The following NAXD variants were observed in gnomAD, a reference collection of about 807,000 sequenced individuals.
NAXD encodes the protein NAD(P)HX dehydratase.
In NAXD, 22 loss-of-function variants were observed where a neutral mutation model predicts 35.8. That is an observed-to-expected ratio of 0.62 (90% confidence interval 0.44 to 0.88). The LOEUF (loss-of-function observed/expected upper bound fraction) is 0.88. Among genes scored for constraint, NAXD ranks in the 40% least tolerant of loss-of-function variants. NAXD has a pLI of 0.00. For missense variants in NAXD, 428 were observed against 437.7 expected (o/e 0.98, Z 0.20); for synonymous variants, 189 against 177.6 (o/e 1.06, Z -0.51).
In NAXD at chr13:110,638,881, C is replaced by G. The variant is rs1247503790; in HGVS notation, c.*353C>G. On this transcript the variant is annotated 3_prime_UTR_variant, in exon 10 of 10. Coordinates refer to ENST00000680254, the MANE Select transcript of NAXD (RefSeq NM_001242882.2). This position sits in a 1 kb window ranked among gnomAD's most constrained non-coding sequence, Gnocchi z 5.4. The stretch of plus-strand genomic sequence containing the variant: ...TGCTCCCAGATCGGCGAAGTTTCTA[C>G]TTGTTACTCTCTCTGCCGGCGCCCT... 2 of 400,692 alleles carry G rather than the reference C, an allele frequency of 5.0e-6. No homozygotes were observed. The highest frequency in any genetic ancestry group is 9.5e-6 in the Non-Finnish European group (2 of 209,520). The allele number at this position is 400,692 out of a possible 1,614,324, so 24.8% of individuals were successfully genotyped here.
At chr13:110,637,085 C>T (rs1160687099) in intron 8 of NAXD, 44 bp from the exon 9 acceptor site, 2 of 1,575,586 alleles carry the variant, frequency 1.3e-6, no homozygotes, top group East Asian at 2.3e-5. Context: ...CACATTCACA[C>T]ACATGGCCAT....
rs536454621 is a variant in NAXD, at chr13:110,618,497, C to T, written c.46+2850C>T. On this transcript the variant is annotated intron_variant, in intron 1 of 9. Coordinates refer to ENST00000680254, the MANE Select transcript of NAXD (RefSeq NM_001242882.2). ...GAATAGCTCAGAACAGGATTCCCCC[C>T]GTGTTTTCTTCCTAGCTATGATAAA... Among the ~76,000 whole-genome samples the T allele has an allele frequency of 8.8e-4, 134 of 152,276 alleles. 1 individual carries two copies. Among genetic ancestry groups the T allele is most frequent in the Non-Finnish European group, 1.0e-3 (70 of 68,008 alleles).
intron 5 of NAXD, among the ~76,000 whole-genome samples, chr13:110,633,518 A>G (rs1231533735): frequency 6.6e-6 from 1 of 152,232 alleles, no homozygotes; most frequent in African/African-American, 2.4e-5. Context: ...AAATGCCGCC[A>G]AAGTGGGAGC....
At chr13:110,618,170 CTA>C (rs1886130552) in intron 1 of NAXD, among the ~76,000 whole-genome samples, 1 of 152,170 alleles carries the variant, frequency 6.6e-6, no homozygotes. Flanking sequence ...AAAAAAGTTA[CTA>C]TTAATTATAT....
chr13:110,634,586 C>A lies in NAXD; in HGVS notation c.483C>A (p.Val161=). 5 of 1,614,214 alleles carry A rather than the reference C, an allele frequency of 3.1e-6. No homozygotes were observed. The highest frequency in any genetic ancestry group is 4.2e-6 in the Non-Finnish European group (5 of 1,180,038). ...EVSKARDIPV[V]IDADGLWLVA... ...CAAAGGCCAGGGACATCCCTGTTGT[C>A]ATCGACGCGGTGAGTTGACTTCTCT... The change falls in exon 6 of 10, where the codon GTC becomes GTA. Residue 161 remains valine (V), a synonymous_variant. Transcript: ENST00000680254.
intron 5 of NAXD, 39 bp from the exon 6 acceptor site, chr13:110,634,506 A>C: frequency 1.3e-6 from 2 of 1,597,916 alleles, no homozygotes; most frequent in Non-Finnish European, 1.7e-6. Flanking sequence ...ACACCATAGC[A>C]GCAGGCATGG....
Position 110,638,190 on chromosome 13 carries a change from T to G in NAXD, c.840-188T>G. 6.7e-7 allele frequency: 1 copy of G among 1,489,166 alleles called. No individual in the cohort carries two copies. Among genetic ancestry groups the G allele is most frequent in the Non-Finnish European group, 9.0e-7 (1 of 1,106,592 alleles). 92.2% of individuals were successfully genotyped at this position (1,489,166 alleles called of 1,614,324 possible). ...TTCCTGTGTGCCTCCTGCCAGGGAG[T>G]AGTGGAGGGTTAATGGTGGTTTTCG... On this transcript the variant is annotated intron_variant, in intron 9 of 9. Coordinates refer to ENST00000680254, the MANE Select transcript of NAXD (RefSeq NM_001242882.2). The surrounding 1 kb of genome is among the most constrained non-coding windows in gnomAD (Gnocchi z 5.4).
intron 8 of NAXD, 119 bp downstream of exon 8, chr13:110,635,707 G>A (rs1886900898): frequency 8.4e-7 from 1 of 1,183,560 alleles, no homozygotes; most frequent in Non-Finnish European, 1.2e-6. Flanking sequence ...CATTCACACA[G>A]GGATTCCTGA....
chr13:110,638,278 T>G lies in NAXD; in HGVS notation c.840-100T>G. ...ACTTGAAATTGACAATTTGGGGTCC[T>G]GAGATTGAAACAGGAGTCAAAACCA... On this transcript the variant is annotated intron_variant, in intron 9 of 9. Transcript: ENST00000680254. The surrounding 1 kb of genome is among the most constrained non-coding windows in gnomAD (Gnocchi z 5.4). 6.3e-7 allele frequency: 1 copy of G among 1,592,864 alleles called. No individual in the cohort carries two copies. The highest frequency in any genetic ancestry group is 8.5e-7 in the Non-Finnish European group (1 of 1,170,568).
chr13:110,624,182 G>A, intron 2 of NAXD, 52 bp from the exon 3 acceptor site: 1 of 1,013,102 alleles, frequency 9.9e-7, no homozygotes, highest in Non-Finnish European at 1.5e-6. Context: ...ATTGATCAAG[G>A]TATGCTTACC....
chr13:110,637,157 C>T lies in NAXD; in HGVS notation c.747C>T (p.Ser249=). 1 of 1,613,788 alleles carries T rather than the reference C, an allele frequency of 6.2e-7. No homozygotes were observed. The highest frequency in any genetic ancestry group is 8.5e-7 in the Non-Finnish European group (1 of 1,179,898). ...QVLVCSQEGS[S]RRCGGQGDLL... ...TTGTGTGCAGCCAGGAAGGCAGCAG[C>T]CGCAGGTGTGGAGGGCAAGGGGACC... The change falls in exon 9 of 10, where the codon AGC becomes AGT. Residue 249 remains serine, a synonymous_variant. Coordinates refer to ENST00000680254, the MANE Select transcript of NAXD (RefSeq NM_001242882.2).
At chr13:110,637,649 C>A in intron 9 of NAXD, 1 of 394,476 alleles carries the variant, frequency 2.5e-6, no homozygotes, top group South Asian at 1.9e-5. Context: ...TAAGAGACAG[C>A]AGAATTCTAG....
Position 110,628,028 on chromosome 13 carries a change from C to T in NAXD, c.441+481C>T, listed in dbSNP as rs1026411512. 6.6e-6 allele frequency among the ~76,000 whole-genome samples: 1 copy of T among 152,234 alleles called. No individual in the cohort carries two copies. The highest frequency in any genetic ancestry group is 2.4e-5 in the African/African-American group (1 of 41,466). ...TTGTCCGTGCCCACATGCATATGCG[C>T]ATGGACTCTCATTTATGCTGGTATT... On this transcript the variant is annotated intron_variant, in intron 5 of 9. Transcript: ENST00000680254. The surrounding 1 kb of genome is among the most constrained non-coding windows in gnomAD (Gnocchi z 4.1).
intron 5 of NAXD, among the ~76,000 whole-genome samples, chr13:110,632,274 T>C (rs1404242301): frequency 1.3e-5 from 2 of 152,094 alleles, no homozygotes; most frequent in South Asian, 2.1e-4. Context: ...TCTCGCTGGC[T>C]TCAGGAGTGA....
At chr13:110,627,609 C>T in intron 5 of NAXD, 62 bp downstream of exon 5, 1 of 1,139,720 alleles carries the variant, frequency 8.8e-7, no homozygotes, top group Non-Finnish European at 1.3e-6. Context: ...GAAGTTGGAA[C>T]AGAGGCATTT....
At position 110,621,884 on chromosome 13, in the gene NAXD, G is replaced by A. The variant is rs149442487; in HGVS notation, c.47-332G>A. Reference sequence around the variant, plus strand: ...ATCTCTACTGAAAATACAAAAATTAGCCAGGTGTGGTAGTAGACACCTATA... The same window carrying A: ...ATCTCTACTGAAAATACAAAAATTAACCAGGTGTGGTAGTAGACACCTATA... On this transcript the variant is annotated intron_variant, in intron 1 of 9. Transcript: ENST00000680254. Among the ~76,000 whole-genome samples the A allele has an allele frequency of 9.9e-3, 1,510 of 151,990 alleles. 17 individuals carry two copies. Among genetic ancestry groups the A allele is most frequent in the African/African-American group, 0.028 (1,181 of 41,444 alleles).
At chr13:110,632,459 G>A (rs941408923) in intron 5 of NAXD, among the ~76,000 whole-genome samples, 3 of 152,122 alleles carry the variant, frequency 2.0e-5, no homozygotes, top group Non-Finnish European at 2.9e-5. Context: ...TCTCTTATCC[G>A]GCCCCGCCCA....
At chr13:110,636,038 T>A (rs186462861) in intron 8 of NAXD, among the ~76,000 whole-genome samples, 1 of 152,232 alleles carries the variant, frequency 6.6e-6, no homozygotes, top group African/African-American at 2.4e-5. Context: ...AAGCTGATGC[T>A]GGTAGTGGAA....
In NAXD at chr13:110,637,969, T is replaced by C. The variant is rs548775794; in HGVS notation, c.840-409T>C. 1.3e-4 allele frequency among the ~76,000 whole-genome samples: 19 copies of C among 151,792 alleles called. No homozygotes were observed. The East Asian group carries it at 3.7e-3, about 29-fold the overall frequency. ...GTTCATTCTGCTGTGTTCACTCGAG[T>C]TGCCTCCACCCCTCCCCCAGGAGAT... On this transcript the variant is annotated intron_variant, in intron 9 of 9. Transcript: ENST00000680254.
Sources: gnomAD v4.1 joint callset for allele counts (sites outside exome capture counted in the v4.1 genomes callset) on GRCh38, gnomAD v4.1.1 for gene constraint, Gnocchi (gnomAD v3.1) non-coding constraint, MANE v1.5 for transcripts, NCBI Gene and HGNC (gene_info 2026-07-23, HGNC 2026-07-21) for gene names.